The following MCC variants were observed in gnomAD, a reference collection of about 807,000 sequenced individuals.
The protein encoded by MCC is colorectal mutant cancer protein.
A neutral mutation model predicts 116.2 loss-of-function variants in MCC; 90 were observed. The observed-to-expected ratio is 0.77, with a 90% CI of 0.65 to 0.92. The LOEUF is 0.92. Ranked by LOEUF, MCC falls within the 40% of genes least tolerant of loss-of-function variation. MCC has a pLI of 0.00. For synonymous variants in MCC, 578 were observed against 510.5 expected (o/e 1.13, Z -1.78); for missense variants, 1,516 against 1,312.2 (o/e 1.16, Z -2.40).
At chr5:113,407,627 T>C (rs781187817) in intron 1 of MCC, among the ~76,000 whole-genome samples, 15 of 152,152 alleles carry the variant, frequency 9.9e-5, no homozygotes, top group Non-Finnish European at 2.1e-4. Flanking sequence ...AACTCCCTCA[T>C]TTTTAAAAAT....
In MCC at chr5:113,026,183, A is replaced by G. The variant is rs2150203952; in HGVS notation, c.*1119T>C. The G allele has an allele frequency of 6.6e-6, 1 of 152,330 alleles. No individual in the cohort carries two copies. Among genetic ancestry groups the G allele is most frequent in the Non-Finnish European group, 1.5e-5 (1 of 68,044 alleles). The allele number at this position is 152,330 out of a possible 1,614,324, so 9.4% of individuals were successfully genotyped here. ...TAAGCACCATATGCTAACCATCACCATGTATCTGGGGGCAAAAAAGAAGCC... is the reference window on the plus strand; with the variant it reads ...TAAGCACCATATGCTAACCATCACCGTGTATCTGGGGGCAAAAAAGAAGCC... On this transcript the variant is annotated 3_prime_UTR_variant, in exon 19 of 19. Transcript: ENST00000408903.
At chr5:113,300,809 C>G (rs903783322) in intron 3 of MCC, among the ~76,000 whole-genome samples, 3 of 152,188 alleles carry the variant, frequency 2.0e-5, no homozygotes, top group Non-Finnish European at 4.4e-5. Flanking sequence ...GGGAGCCTCT[C>G]ACCAGCCTCA....
At chr5:113,382,967 T>A (rs955388209) in intron 2 of MCC, among the ~76,000 whole-genome samples, 1 of 152,200 alleles carries the variant, frequency 6.6e-6, no homozygotes, top group South Asian at 2.1e-4. Context: ...AGTTACCACC[T>A]CTTTTCCCAA....
chr5:113,149,020 G>T (rs368551123), intron 4 of MCC, among the ~76,000 whole-genome samples: 159 of 152,200 alleles, frequency 1.0e-3, no homozygotes, highest in African/African-American at 3.6e-3. Context: ...GTCTTTGTAG[G>T]CTTAAATTTT....
chr5:113,179,238 C>A lies in MCC; in HGVS notation c.628-27816G>T, dbSNP rs561376823. On this transcript the variant is annotated intron_variant, in intron 3 of 18. Transcript: ENST00000408903. ...ATCTTATGAACAGTACCACAGAACACCCTCCCCCAGCCCCCTCCATCTGCT... is the reference window on the plus strand; with the variant it reads ...ATCTTATGAACAGTACCACAGAACAACCTCCCCCAGCCCCCTCCATCTGCT... Among the ~76,000 whole-genome samples, 27 of 152,296 alleles carry A rather than the reference C, an allele frequency of 1.8e-4. 1 individual carries two copies. In the South Asian group the frequency reaches 5.2e-3, roughly 29 times the overall value.
chr5:113,456,752 T>A (rs185823326), intron 1 of MCC, among the ~76,000 whole-genome samples: 269 of 149,486 alleles, frequency 1.8e-3, no homozygotes, highest in Non-Finnish European at 3.0e-3. Context: ...ATTACAGGCG[T>A]GAGCCACTGC....
chr5:113,286,060 C>T (rs1398119074), intron 3 of MCC, among the ~76,000 whole-genome samples: 1 of 152,196 alleles, frequency 6.6e-6, no homozygotes, highest in African/African-American at 2.4e-5. Flanking sequence ...TCCTATCTAC[C>T]ACATATTGAC....
chr5:113,098,477 C>G (rs1756187980), intron 8 of MCC, among the ~76,000 whole-genome samples: 1 of 152,180 alleles, frequency 6.6e-6, no homozygotes, highest in South Asian at 2.1e-4. Flanking sequence ...AATTCCTTTA[C>G]AGAGTAATTC....
chr5:113,114,323 C>T (rs577193629), intron 6 of MCC, among the ~76,000 whole-genome samples: 70 of 152,266 alleles, frequency 4.6e-4, no homozygotes, highest in African/African-American at 1.7e-3. Flanking sequence ...ACACGGAGAG[C>T]GCAAGATGAC....
chr5:113,485,938 C>T (rs1312523849), intron 1 of MCC, among the ~76,000 whole-genome samples: 2 of 152,216 alleles, frequency 1.3e-5, no homozygotes, highest in African/African-American at 4.8e-5. Context: ...GCACAACCCT[C>T]CAAACCACAT....
At chr5:113,128,205 G>A (rs918275827) in intron 5 of MCC, among the ~76,000 whole-genome samples, 1 of 152,210 alleles carries the variant, frequency 6.6e-6, no homozygotes, top group Non-Finnish European at 1.5e-5. Context: ...CATTTTGGGT[G>A]CACATTCATG....
chr5:113,367,629 T>A (rs370880132), intron 2 of MCC, among the ~76,000 whole-genome samples: 1 of 51,172 alleles, frequency 2.0e-5, no homozygotes, highest in African/African-American at 7.0e-5. Flanking sequence ...AGGCAGAGGG[T>A]GGGGGGGGGG....
Position 113,384,651 on chromosome 5 carries a change from G to C in MCC, c.415+317C>G, listed in dbSNP as rs190023900. The stretch of plus-strand genomic sequence containing the variant: ...GTAACCTTGAAACTTCCTCCCCAAA[G>C]AGCTTCTGAGGCCTGCTGATGCAGT... On this transcript the variant is annotated intron_variant, in intron 2 of 18. Transcript: ENST00000408903. Among the ~76,000 whole-genome samples, 582 of 152,314 alleles carry C rather than the reference G, an allele frequency of 3.8e-3. 2 individuals carry two copies. Among genetic ancestry groups the C allele is most frequent in the Non-Finnish European group, 7.2e-3 (488 of 68,030 alleles).
chr5:113,066,299 T>G (rs1753599443), intron 13 of MCC, among the ~76,000 whole-genome samples: 1 of 152,192 alleles, frequency 6.6e-6, no homozygotes, highest in Non-Finnish European at 1.5e-5. Flanking sequence ...ACTTTTTCCT[T>G]TAATTTATCA....
rs529237685 is a variant in MCC, at chr5:113,476,791, T to C, written c.170+11454A>G. ...CTGCTAATGGGTACAGGGTTTCTTT[T>C]TGAGGTGATGAAACTATTCTAAAAT... On this transcript the variant is annotated intron_variant, in intron 1 of 18. Transcript: ENST00000408903. Among the ~76,000 whole-genome samples the C allele has an allele frequency of 3.3e-5, 5 of 152,294 alleles. No individual in the cohort carries two copies. The East Asian group carries it at 5.8e-4, about 18-fold the overall frequency.
At chr5:113,415,499 T>A (rs1323661737) in intron 1 of MCC, among the ~76,000 whole-genome samples, 2 of 152,204 alleles carry the variant, frequency 1.3e-5, no homozygotes, top group South Asian at 4.1e-4. Flanking sequence ...CTTCTCTTCT[T>A]GCTTTATTTC....
chr5:113,383,477 T>C (rs1422722243), intron 2 of MCC, among the ~76,000 whole-genome samples: 1 of 152,092 alleles, frequency 6.6e-6, no homozygotes, highest in Non-Finnish European at 1.5e-5. Flanking sequence ...ATACAAAATA[T>C]GCAGAAGATA....
At chr5:113,088,397 G>A (rs1755353839) in intron 8 of MCC, among the ~76,000 whole-genome samples, 1 of 151,498 alleles carries the variant, frequency 6.6e-6, no homozygotes, top group African/African-American at 2.4e-5. Context: ...CCATTGTAGT[G>A]GGTTGGATTA....
At chr5:113,090,879 G>A (rs1208891639) in intron 8 of MCC, among the ~76,000 whole-genome samples, 1 of 152,210 alleles carries the variant, frequency 6.6e-6, no homozygotes, top group Non-Finnish European at 1.5e-5. Flanking sequence ...CATTGCCAAG[G>A]TCAAAAGACA....
Sources: gnomAD v4.1 joint callset for allele counts (sites outside exome capture counted in the v4.1 genomes callset) on GRCh38, gnomAD v4.1.1 for gene constraint, MANE v1.5 for transcripts, NCBI Gene and HGNC (gene_info 2026-07-23, HGNC 2026-07-21) for gene names.